The following MAP4K4 variants were observed in gnomAD, a reference collection of about 807,000 sequenced individuals.
MAP4K4 encodes mitogen-activated protein kinase kinase kinase kinase 4.
In MAP4K4, 38 loss-of-function variants were observed where a neutral mutation model predicts 189.6. The observed-to-expected ratio is 0.20, with a 90% confidence interval of 0.15 to 0.26. MAP4K4 has a LOEUF of 0.26. Among genes scored for constraint, MAP4K4 ranks in the 10% least tolerant of loss-of-function variants. MAP4K4 has a pLI of 1.00. For synonymous variants in MAP4K4, 610 were observed against 624.3 expected (o/e 0.98, Z 0.34); for missense variants, 1,054 against 1,726.9 (o/e 0.61, Z 6.91).
chr2:101,707,791 C>T (rs183371260), intron 2 of MAP4K4, among the ~76,000 whole-genome samples: 11 of 151,072 alleles, frequency 7.3e-5, no homozygotes, highest in East Asian at 5.9e-4. Flanking sequence ...CCCGGGTTCA[C>T]GCCATTCTCC....
chr2:101,866,219 A>G (rs2097806331), intron 18 of MAP4K4, among the ~76,000 whole-genome samples: 1 of 152,236 alleles, frequency 6.6e-6, no homozygotes, highest in African/African-American at 2.4e-5. Context: ...GTAGGATATC[A>G]TTTAGCATAC....
At chr2:101,833,267 G>A (rs528435311) in intron 7 of MAP4K4, among the ~76,000 whole-genome samples, 1 of 152,192 alleles carries the variant, frequency 6.6e-6, no homozygotes, top group Admixed American at 6.5e-5. Flanking sequence ...CAAATACATA[G>A]TAATGATAAT....
At position 101,750,967 on chromosome 2, in the gene MAP4K4, C is replaced by T. The variant is rs375656344; in HGVS notation, c.124-39753C>T. Among the ~76,000 whole-genome samples, 201 of 152,242 alleles carry T rather than the reference C, an allele frequency of 1.3e-3. 1 individual carries two copies. Among genetic ancestry groups the T allele is most frequent in the African/African-American group, 4.5e-3 (187 of 41,542 alleles). On this transcript the variant is annotated intron_variant, in intron 2 of 32. Coordinates refer to ENST00000324219, the Ensembl canonical transcript of MAP4K4. Reference sequence around the variant, plus strand: ...CCTCTACCTTTTTATCTTTTCACTTCCTTCTGTTTTGAATTTGGGGACCAG... The same window carrying T: ...CCTCTACCTTTTTATCTTTTCACTTTCTTCTGTTTTGAATTTGGGGACCAG...
At chr2:101,837,280 T>G (rs1194496589) in intron 9 of MAP4K4, among the ~76,000 whole-genome samples, 1 of 152,024 alleles carries the variant, frequency 6.6e-6, no homozygotes, top group Non-Finnish European at 1.5e-5. Flanking sequence ...TTCTGGTGAT[T>G]TGCAGTTCTC....
At chr2:101,885,954 C>T (rs559140660) in intron 29 of MAP4K4, among the ~76,000 whole-genome samples, 7 of 152,158 alleles carry the variant, frequency 4.6e-5, no homozygotes, top group African/African-American at 1.7e-4. Context: ...CCTCACATTG[C>T]CTGGTGATTG....
intron 2 of MAP4K4, among the ~76,000 whole-genome samples, chr2:101,779,995 A>G (rs1012351314): frequency 1.3e-5 from 2 of 152,206 alleles, no homozygotes; most frequent in Non-Finnish European, 2.9e-5. Context: ...CTGCAACACA[A>G]CAACAGAAGT....
intron 2 of MAP4K4, among the ~76,000 whole-genome samples, chr2:101,756,912 A>T (rs769051865): frequency 6.6e-6 from 1 of 152,078 alleles, no homozygotes; most frequent in Non-Finnish European, 1.5e-5. Context: ...TCACTTATAA[A>T]TAAATTACTC....
intron 2 of MAP4K4, among the ~76,000 whole-genome samples, chr2:101,767,826 G>A (rs2079312127): frequency 6.6e-6 from 1 of 152,138 alleles, no homozygotes; most frequent in Non-Finnish European, 1.5e-5. Flanking sequence ...TATGACAGCT[G>A]GGCCTGCTAA....
chr2:101,722,596 A>G (rs777876653), intron 2 of MAP4K4, among the ~76,000 whole-genome samples: 1 of 152,226 alleles, frequency 6.6e-6, no homozygotes, highest in Non-Finnish European at 1.5e-5. Context: ...TGATTAGCTT[A>G]AAGTTTTCAA....
chr2:101,861,934 T>TA (rs375489497), intron 16 of MAP4K4: 2,302 of 134,930 alleles, frequency 0.017, 53 homozygotes, highest in African/African-American at 0.057. Context: ...ATGGAGGAGT[T>TA]AAAAAAAAAA....
At chr2:101,829,241 A>G (rs1240428398) in intron 5 of MAP4K4, among the ~76,000 whole-genome samples, 2 of 152,194 alleles carry the variant, frequency 1.3e-5, no homozygotes, top group African/African-American at 4.8e-5. Context: ...TCTGCAGTGT[A>G]TCTTAAAGGC....
At chr2:101,861,251 T>G in intron 16 of MAP4K4, 1 of 306,240 alleles carries the variant, frequency 3.3e-6, no homozygotes, top group East Asian at 5.8e-5. Flanking sequence ...ACTCAGGTGT[T>G]AAGTGCCTCC....
chr2:101,762,686 AG>A (rs1438378948), intron 2 of MAP4K4, among the ~76,000 whole-genome samples: 29 of 152,286 alleles, frequency 1.9e-4, no homozygotes, highest in Admixed American at 7.2e-4. Flanking sequence ...ATTGCTGTGA[AG>A]AAACCCCCCA....
At chr2:101,758,244 A>G (rs1265729405) in intron 2 of MAP4K4, among the ~76,000 whole-genome samples, 1 of 152,210 alleles carries the variant, frequency 6.6e-6, no homozygotes, top group African/African-American at 2.4e-5. Context: ...GGAAGATGAC[A>G]GAGCAAAAGT....
At chr2:101,731,965 T>C (rs1240164781) in intron 2 of MAP4K4, among the ~76,000 whole-genome samples, 2 of 152,176 alleles carry the variant, frequency 1.3e-5, no homozygotes. Flanking sequence ...AGTCCCATAA[T>C]TTTGTGTGGA....
Position 101,859,756 on chromosome 2 carries a change from C to T in MAP4K4, c.1596C>T (p.His532=), listed in dbSNP as rs576648032. Reference sequence around the variant, plus strand: ...TACAGCATGACCATAGGAGGCCGCACCCGCAGCACTCGCAGCAGCCGCCAC... The same window carrying T: ...TACAGCATGACCATAGGAGGCCGCATCCGCAGCACTCGCAGCAGCCGCCAC... Residue 532 remains histidine, a synonymous_variant, in exon 15 of 33, where the codon CAC becomes CAT. Transcript: ENST00000324219. 75 of 1,611,360 alleles carry T rather than the reference C, an allele frequency of 4.7e-5. No homozygotes were observed. In the East Asian group the frequency reaches 1.5e-3, roughly 32 times the overall value.
intron 2 of MAP4K4, among the ~76,000 whole-genome samples, chr2:101,741,691 C>A (rs575739888): frequency 6.6e-6 from 1 of 151,900 alleles, no homozygotes; most frequent in Non-Finnish European, 1.5e-5. Flanking sequence ...GCAAAAAAGT[C>A]CTGAGGCTAA....
intron 2 of MAP4K4, among the ~76,000 whole-genome samples, chr2:101,748,679 A>C (rs971937406): frequency 3.3e-5 from 5 of 152,252 alleles, no homozygotes; most frequent in African/African-American, 7.2e-5. Flanking sequence ...CAAGAGAAGG[A>C]AATAAAGGGT....
At chr2:101,820,535 C>A (rs1278220114) in intron 3 of MAP4K4, among the ~76,000 whole-genome samples, 1 of 152,218 alleles carries the variant, frequency 6.6e-6, no homozygotes, top group Non-Finnish European at 1.5e-5. Flanking sequence ...ACTTTCTGGT[C>A]ACCCAGCTGC....
Sources: allele counts gnomAD v4.1 joint callset (sites outside exome capture counted in the v4.1 genomes callset), GRCh38; gene constraint gnomAD v4.1.1; transcripts MANE v1.5; gene names NCBI Gene and HGNC (gene_info 2026-07-23, HGNC 2026-07-21).